Variants in DNAH9 observed in about 807,000 individuals in gnomAD.
DNAH9 encodes dynein axonemal heavy chain 9, also known as DNAH9 variant protein.
In DNAH9, 345 loss-of-function variants were observed where a neutral mutation model predicts 471.6. The observed-to-expected ratio is 0.73, with a 90% CI of 0.67 to 0.80. The LOEUF is 0.80. Ranked by LOEUF, DNAH9 falls within the 30% of genes least tolerant of loss-of-function variation. The probability of loss-of-function intolerance (pLI) is 0.00; values close to 1 mark genes in which losing one functional copy is unlikely to be tolerated. For missense variants in DNAH9, 5,407 were observed against 5,609.2 expected, an observed-to-expected ratio of 0.96 and a Z score of 1.15; for synonymous variants, 2,093 against 2,123.6, an observed-to-expected ratio of 0.99 and a Z score of 0.40.
chr17:11,966,640 G>A (rs1207682017), intron 68 of DNAH9, among the ~76,000 whole-genome samples: 1 of 152,144 alleles, frequency 6.6e-6, no homozygotes, highest in Non-Finnish European at 1.5e-5. Context: ...ACTGCATAAG[G>A]AAATAATTAT....
At chr17:11,808,817 T>TG (rs1265869223) in intron 44 of DNAH9, among the ~76,000 whole-genome samples, 1 of 152,200 alleles carries the variant, frequency 6.6e-6, no homozygotes, top group African/African-American at 2.4e-5. Context: ...TTAACTAGTC[T>TG]GGGGAATGGC....
chr17:11,645,183 T>C lies in DNAH9; in HGVS notation c.1970+484T>C, dbSNP rs138809147. On this transcript the variant is annotated intron_variant, in intron 11 of 68. Coordinates refer to ENST00000262442, the MANE Select transcript of DNAH9 (RefSeq NM_001372.4). ...AGGGCTTAGGGTCTAGAAACAGCCATTGTCTTGATTTCTCCTTCTGCCATT... is the reference window on the plus strand; with the variant it reads ...AGGGCTTAGGGTCTAGAAACAGCCACTGTCTTGATTTCTCCTTCTGCCATT... 1.5e-3 allele frequency among the ~76,000 whole-genome samples: 226 copies of C among 152,332 alleles called. 4 individuals are homozygous for C. In the East Asian group the frequency reaches 0.037, roughly 25 times the overall value.
In DNAH9 at chr17:11,962,214, C is replaced by CA. The variant is rs1976263491; in HGVS notation, c.13192dup (p.Ile4398AsnfsTer42). ...GGAGTCCTCCTCGGGAAGGGGCCTACATCCATGGCCTCTTCATGGAAGGTG... is the reference window on the plus strand; with the variant it reads ...GGAGTCCTCCTCGGGAAGGGGCCTACAATCCATGGCCTCTTCATGGAAGGTG... On this transcript the variant is annotated frameshift_variant, in exon 68 of 69. Coordinates refer to ENST00000262442, the MANE Select transcript of DNAH9 (RefSeq NM_001372.4). LOFTEE classifies it high-confidence loss of function. The surrounding 1 kb of genome is among the most constrained non-coding windows in gnomAD (Gnocchi z 4.1). 6.2e-7 allele frequency: 1 copy of CA among 1,612,876 alleles called. No individual in the cohort carries two copies. The highest frequency in any genetic ancestry group is 1.3e-5 in the African/African-American group (1 of 74,916).
At chr17:11,704,476 G>A (rs2074662696) in intron 25 of DNAH9, 34 bp downstream of exon 25, 3 of 1,604,768 alleles carry the variant, frequency 1.9e-6, no homozygotes, top group Non-Finnish European at 2.5e-6. Context: ...GCCCACTTTT[G>A]TGTACAGCTA....
rs1307337672 is a variant in DNAH9 at position 11,727,830 on chromosome 17, A to C, written c.5722A>C (p.Ile1908Leu). Residue 1908 changes from isoleucine to leucine, a missense_variant, in exon 28 of 69, where the codon ATC (isoleucine) becomes CTC (leucine). Ile to Leu is a conservative substitution (Grantham distance 5). Transcript: ENST00000262442. Reference protein sequence around the residue: ...EQMDYKSCGNIYKGLAQTGAW... With the variant: ...EQMDYKSCGNLYKGLAQTGAW... ...CATTTTCTTGCAGTCTTGTGGCAAC[A>C]TCTACAAAGGCCTTGCTCAGACTGG... is the stretch of plus-strand genomic sequence containing the variant. 1.9e-6 allele frequency: 3 copies of C among 1,613,386 alleles called. No individual in the cohort carries two copies. Among genetic ancestry groups the C allele is most frequent in the South Asian group, 1.1e-5 (1 of 91,072 alleles).
rs560341239 is a variant in DNAH9, at chr17:11,798,198, C to T, written c.8420+405C>T. 1.1e-4 allele frequency among the ~76,000 whole-genome samples: 17 copies of T among 151,940 alleles called. 1 individual carries two copies. The South Asian group carries it at 2.7e-3, about 24-fold the overall frequency. ...CCTGTAATCCCAGCACTTTGGAGGCCGAGGCGGGCAGATCACGAGGTCAGG... is the reference window on the plus strand; with the variant it reads ...CCTGTAATCCCAGCACTTTGGAGGCTGAGGCGGGCAGATCACGAGGTCAGG... On this transcript the variant is annotated intron_variant, in intron 43 of 68. Transcript: ENST00000262442.
At chr17:11,923,562 C>T (rs1469454973) in intron 61 of DNAH9, among the ~76,000 whole-genome samples, 3 of 152,194 alleles carry the variant, frequency 2.0e-5, no homozygotes, top group African/African-American at 4.8e-5. Context: ...CCGCTCGCCT[C>T]GGCCTCCCAA....
intron 31 of DNAH9, among the ~76,000 whole-genome samples, chr17:11,746,442 G>C (rs1414220404): frequency 6.6e-6 from 1 of 152,150 alleles, no homozygotes; most frequent in Admixed American, 6.5e-5. Flanking sequence ...AGGAGCAAGG[G>C]CTTGAAATGA....
chr17:11,665,249 A>G (rs563216339), intron 15 of DNAH9, among the ~76,000 whole-genome samples: 8 of 152,350 alleles, frequency 5.3e-5, no homozygotes, highest in Admixed American at 5.2e-4. Flanking sequence ...AAGCTTCAGT[A>G]AAGAGGAGTG....
intron 26 of DNAH9, among the ~76,000 whole-genome samples, chr17:11,715,201 A>G (rs557340607): frequency 6.6e-6 from 1 of 152,332 alleles, no homozygotes; most frequent in South Asian, 2.1e-4. Context: ...CCAGTTGAAT[A>G]TCTGTACCAA....
chr17:11,793,392 C>A, intron 41 of DNAH9, 111 bp from the exon 42 acceptor site: 2 of 969,902 alleles, frequency 2.1e-6, no homozygotes, highest in Non-Finnish European at 3.1e-6. Context: ...TTTAGCAAGA[C>A]AAGCCCTAGA....
chr17:11,688,504 C>G (rs767265935), intron 19 of DNAH9, among the ~76,000 whole-genome samples: 1 of 152,186 alleles, frequency 6.6e-6, no homozygotes, highest in Non-Finnish European at 1.5e-5. Context: ...GTCTTCATGG[C>G]CACTCACAGT....
chr17:11,833,548 T>G (rs919391154), intron 48 of DNAH9, among the ~76,000 whole-genome samples: 1 of 152,172 alleles, frequency 6.6e-6, no homozygotes, highest in African/African-American at 2.4e-5. Flanking sequence ...TGTTTGGCTT[T>G]CTCTGGGTGG....
At chr17:11,627,741 A>T (rs974275644) in intron 6 of DNAH9, among the ~76,000 whole-genome samples, 3 of 151,944 alleles carry the variant, frequency 2.0e-5, no homozygotes, top group African/African-American at 7.3e-5. Flanking sequence ...CTCCCACTTC[A>T]GCTGCTTCCC....
chr17:11,769,208 G>GGGCACGGCT lies in DNAH9; in HGVS notation c.7437_7445dup (p.Ala2480_Thr2482dup). The GGGCACGGCT allele has an allele frequency of 6.2e-7, 1 of 1,614,204 alleles. No homozygotes were observed. Among genetic ancestry groups the GGGCACGGCT allele is most frequent in the Non-Finnish European group, 8.5e-7 (1 of 1,180,036 alleles). ...CGCGGCAGCGGCCTGTCATGCTGGTGGGCACGGCTGGCACTGGCAAGTCGG... is the reference window on the plus strand; with the variant it reads ...CGCGGCAGCGGCCTGTCATGCTGGTGGGCACGGCTGGCACGGCTGGCACTGGCAAGTCGG... On this transcript the variant is annotated inframe_insertion, in exon 38 of 69. Coordinates refer to ENST00000262442, the MANE Select transcript of DNAH9 (RefSeq NM_001372.4).
chr17:11,899,489 G>A (rs1192597720), intron 59 of DNAH9, among the ~76,000 whole-genome samples: 1 of 152,146 alleles, frequency 6.6e-6, no homozygotes, highest in Non-Finnish European at 1.5e-5. Context: ...AAGTAATTAG[G>A]TTAATTAGTC....
At chr17:11,727,509 G>T (rs1648475595) in intron 27 of DNAH9, among the ~76,000 whole-genome samples, 1 of 152,062 alleles carries the variant, frequency 6.6e-6, no homozygotes, top group Non-Finnish European at 1.5e-5. Flanking sequence ...TATAGCATAA[G>T]AAAAATCATC....
At chr17:11,731,206 A>G (rs191278912) in intron 28 of DNAH9, among the ~76,000 whole-genome samples, 28 of 151,740 alleles carry the variant, frequency 1.8e-4, no homozygotes, top group African/African-American at 6.8e-4. Flanking sequence ...TATTATGGTG[A>G]GAATGATGGG....
chr17:11,950,000 G>C (rs1194888302), intron 67 of DNAH9, among the ~76,000 whole-genome samples: 1 of 152,120 alleles, frequency 6.6e-6, no homozygotes, highest in Non-Finnish European at 1.5e-5. Flanking sequence ...ATGTTCCTCT[G>C]CTTTCAAAAT....
Sources: gnomAD v4.1 joint callset for allele counts (sites outside exome capture counted in the v4.1 genomes callset) on GRCh38, gnomAD v4.1.1 for gene constraint, Gnocchi (gnomAD v3.1) non-coding constraint, MANE v1.5 for transcripts, NCBI Gene and HGNC (gene_info 2026-07-23, HGNC 2026-07-21) for gene names.